Variants in SIL1 observed in about 807,000 individuals in gnomAD.
SIL1 encodes SIL1 nucleotide exchange factor, also known as nucleotide exchange factor SIL1.
SIL1 carries 40 observed loss-of-function variants against 49.1 expected under a neutral mutation model. That is an observed-to-expected ratio of 0.81 (90% CI 0.63 to 1.06). The LOEUF (loss-of-function observed/expected upper bound fraction) is 1.06. SIL1 is among the 50% of genes least tolerant of loss of function. SIL1 has a pLI of 0.00. For missense variants in SIL1, 500 were observed against 572.6 expected, an observed-to-expected ratio of 0.87 and a Z score of 1.29; for synonymous variants, 253 against 250.8, an observed-to-expected ratio of 1.01 and a Z score of -0.08.
intron 1 of SIL1, among the ~76,000 whole-genome samples, chr5:139,146,854 AC>A (rs1254744283): frequency 1.3e-5 from 2 of 152,140 alleles, no homozygotes; most frequent in Non-Finnish European, 2.9e-5. Flanking sequence ...TCAGATAATC[AC>A]TTTTATTTTC....
intron 4 of SIL1, among the ~76,000 whole-genome samples, chr5:139,046,020 C>T (rs1250028631): frequency 6.6e-6 from 1 of 152,224 alleles, no homozygotes; most frequent in Non-Finnish European, 1.5e-5. Flanking sequence ...AACTAAATCA[C>T]TCTCCTGCCT....
chr5:139,007,052 G>T (rs1211104553), intron 7 of SIL1, among the ~76,000 whole-genome samples: 1 of 121,964 alleles, frequency 8.2e-6, no homozygotes, highest in East Asian at 2.1e-4. Context: ...ACCTTGGGCA[G>T]TATGGCCATT....
At chr5:139,163,973 G>T (rs773978917) in intron 1 of SIL1, among the ~76,000 whole-genome samples, 8 of 152,076 alleles carry the variant, frequency 5.3e-5, no homozygotes, top group Non-Finnish European at 1.0e-4. Flanking sequence ...ACAAACATTA[G>T]CTGGGTATGG....
intron 3 of SIL1, among the ~76,000 whole-genome samples, chr5:139,094,365 G>C (rs1770408451): frequency 6.6e-6 from 1 of 152,206 alleles, no homozygotes; most frequent in Non-Finnish European, 1.5e-5. Context: ...TGAAGATCCA[G>C]ATGTGAGCAA....
intron 7 of SIL1, among the ~76,000 whole-genome samples, chr5:138,959,030 C>T (rs914052181): frequency 5.3e-5 from 8 of 152,188 alleles, no homozygotes; most frequent in African/African-American, 1.9e-4. Context: ...CAGGCATTTT[C>T]ATGCTGGCTT....
rs180771999 is a variant in SIL1 at position 138,948,975 on chromosome 5, T to C, written c.1030-1502A>G. Among the ~76,000 whole-genome samples the C allele has an allele frequency of 2.0e-4, 30 of 152,280 alleles. No individual in the cohort carries two copies. The highest frequency in any genetic ancestry group is 7.2e-4 in the African/African-American group (30 of 41,564). ...CCACCCAATCGTGGATTTCCCAGCC[T>C]CCCGAATCATGAGCCAAAAACTGCC... On this transcript the variant is annotated intron_variant, in intron 9 of 9. Coordinates refer to ENST00000394817, the MANE Select transcript of SIL1 (RefSeq NM_022464.5). The surrounding 1 kb of genome is among the most constrained non-coding windows in gnomAD (Gnocchi z 4.8).
chr5:139,020,969 G>A (rs1338243217), intron 7 of SIL1, among the ~76,000 whole-genome samples: 1 of 152,140 alleles, frequency 6.6e-6, no homozygotes, highest in Non-Finnish European at 1.5e-5. Flanking sequence ...CACATAAGAT[G>A]GGGGAACAGA....
At position 139,138,403 on chromosome 5, in the gene SIL1, G is replaced by A. The variant is rs138033046; in HGVS notation, c.-10-10550C>T. 4.3e-3 allele frequency among the ~76,000 whole-genome samples: 650 copies of A among 152,302 alleles called. 1 individual carries two copies. Among genetic ancestry groups the A allele is most frequent in the Non-Finnish European group, 7.4e-3 (501 of 68,026 alleles). ...GTAGGTCCTAGACTGTAAGCTCCTA[G>A]CAAGATACAGACAAGGGGACCTACT... is the stretch of plus-strand genomic sequence containing the variant. On this transcript the variant is annotated intron_variant, in intron 1 of 9. Transcript: ENST00000394817.
At chr5:139,026,344 G>A (rs1437569572) in intron 6 of SIL1, among the ~76,000 whole-genome samples, 1 of 152,176 alleles carries the variant, frequency 6.6e-6, no homozygotes, top group Non-Finnish European at 1.5e-5. Context: ...GCTCAAGCCT[G>A]TAATCCCAGC....
At chr5:138,978,881 G>C (rs1561813273) in intron 7 of SIL1, among the ~76,000 whole-genome samples, 1 of 151,884 alleles carries the variant, frequency 6.6e-6, no homozygotes, top group Non-Finnish European at 1.5e-5. Context: ...TTTTATTGTT[G>C]AATTGTAGGA....
At chr5:139,130,483 G>T (rs1384845684) in intron 1 of SIL1, among the ~76,000 whole-genome samples, 1 of 152,038 alleles carries the variant, frequency 6.6e-6, no homozygotes, top group Non-Finnish European at 1.5e-5. Context: ...AAAATAACAA[G>T]TGTTGGTGAA....
chr5:139,004,923 A>C (rs1021332600), intron 7 of SIL1, among the ~76,000 whole-genome samples: 4 of 152,212 alleles, frequency 2.6e-5, no homozygotes, highest in Non-Finnish European at 5.9e-5. Context: ...ATAAAAGTAG[A>C]GTAGAATGGT....
intron 1 of SIL1, among the ~76,000 whole-genome samples, chr5:139,135,386 A>G (rs1750953544): frequency 6.6e-6 from 1 of 152,186 alleles, no homozygotes. Flanking sequence ...AGGGTTCACA[A>G]TGGATCCAAG....
Position 138,948,899 on chromosome 5 carries a change from C to T in SIL1, c.1030-1426G>A, listed in dbSNP as rs1766697277. On this transcript the variant is annotated intron_variant, in intron 9 of 9. Transcript: ENST00000394817. The surrounding 1 kb of genome is among the most constrained non-coding windows in gnomAD (Gnocchi z 4.8). ...TTTTTTCCGCAAGTGCTCTTGCCCT[C>T]TCACCTTCCACAATGTTGTCATGCA... Among the ~76,000 whole-genome samples, 1 of 152,198 alleles carries T rather than the reference C, an allele frequency of 6.6e-6. No homozygotes were observed. Among genetic ancestry groups the T allele is most frequent in the Admixed American group, 6.5e-5 (1 of 15,286 alleles).
At chr5:139,104,979 GAGGCT>G (rs1365438058) in intron 3 of SIL1, among the ~76,000 whole-genome samples, 7 of 152,236 alleles carry the variant, frequency 4.6e-5, no homozygotes, top group African/African-American at 1.7e-4. Context: ...GAAGAAATGA[GAGGCT>G]AGGCAACCCA....
chr5:139,145,267 A>G (rs193089085), intron 1 of SIL1, among the ~76,000 whole-genome samples: 110 of 152,344 alleles, frequency 7.2e-4, no homozygotes, highest in African/African-American at 2.6e-3. Flanking sequence ...AGAAATGCCA[A>G]TCAAAGCCAC....
intron 1 of SIL1, among the ~76,000 whole-genome samples, chr5:139,143,449 C>T (rs1031979971): frequency 2.0e-5 from 3 of 151,264 alleles, no homozygotes; most frequent in Non-Finnish European, 2.9e-5. Flanking sequence ...AGGCTCACTG[C>T]AACCTCTGCC....
intron 1 of SIL1, among the ~76,000 whole-genome samples, chr5:139,166,517 C>T (rs945919020): frequency 3.3e-5 from 5 of 152,086 alleles, no homozygotes; most frequent in Non-Finnish European, 5.9e-5. Context: ...CAAAAATAGG[C>T]GTGGTGATGA....
chr5:139,094,127 C>T (rs1467126162), intron 3 of SIL1, among the ~76,000 whole-genome samples: 1 of 152,204 alleles, frequency 6.6e-6, no homozygotes, highest in Non-Finnish European at 1.5e-5. Context: ...AACCCACCTC[C>T]AACCTGACTC....
Sources: gnomAD v4.1 joint callset for allele counts (sites outside exome capture counted in the v4.1 genomes callset) on GRCh38, gnomAD v4.1.1 for gene constraint, Gnocchi (gnomAD v3.1) non-coding constraint, MANE v1.5 for transcripts, NCBI Gene and HGNC (gene_info 2026-07-23, HGNC 2026-07-21) for gene names.